Variants in CD47 observed in about 807,000 individuals in gnomAD.
CD47 encodes the protein CD47 molecule.
Under a neutral mutation model 44.6 loss-of-function variants are expected in CD47, and 11 were observed. The ratio of observed to expected loss-of-function variants is 0.25; its 90% CI spans 0.16 to 0.41. The LOEUF (loss-of-function observed/expected upper bound fraction) is 0.41, where lower values mean the gene tolerates loss of function less well. Ranked by LOEUF, CD47 falls within the 10% of genes least tolerant of loss-of-function variation. The pLI, the probability that CD47 is intolerant of heterozygous loss-of-function variation, is 1.00. For synonymous variants in CD47, 140 were observed against 136.3 expected, an observed-to-expected ratio of 1.03 and a Z score of -0.19; for missense variants, 306 against 386.7, an observed-to-expected ratio of 0.79 and a Z score of 1.75.
chr3:108,074,256 T>C (rs917185021), intron 2 of CD47, among the ~76,000 whole-genome samples: 1 of 152,122 alleles, frequency 6.6e-6, no homozygotes, highest in South Asian at 2.1e-4. Flanking sequence ...ACAAGAAATA[T>C]GAGACATTTC....
At chr3:108,077,446 T>C (rs2079330004) in intron 2 of CD47, among the ~76,000 whole-genome samples, 1 of 152,110 alleles carries the variant, frequency 6.6e-6, no homozygotes, top group African/African-American at 2.4e-5. Context: ...ACATTGTTGA[T>C]GGAAATGTAA....
At chr3:108,078,723 G>A (rs1458195287) in intron 2 of CD47, among the ~76,000 whole-genome samples, 1 of 151,438 alleles carries the variant, frequency 6.6e-6, no homozygotes, top group South Asian at 2.1e-4. Flanking sequence ...TTGCCTACTC[G>A]GAGCCATCCC....
chr3:108,065,812 A>G (rs1338191345), intron 3 of CD47, among the ~76,000 whole-genome samples: 1 of 15,122 alleles, frequency 6.6e-5, no homozygotes. Flanking sequence ...ACTCCGTCTC[A>G]AAAAAAAAAA....
chr3:108,074,971 G>A (rs1004534078), intron 2 of CD47, among the ~76,000 whole-genome samples: 1 of 152,206 alleles, frequency 6.6e-6, no homozygotes, highest in Non-Finnish European at 1.5e-5. Flanking sequence ...TGGTAGTACT[G>A]TCAGATGACG....
At chr3:108,074,253 A>C (rs184440547) in intron 2 of CD47, among the ~76,000 whole-genome samples, 22 of 152,338 alleles carry the variant, frequency 1.4e-4, no homozygotes, top group African/African-American at 4.8e-4. Context: ...GAAACAAGAA[A>C]TATGAGACAT....
At chr3:108,055,506 C>A in intron 7 of CD47, 2 of 1,290,008 alleles carry the variant, frequency 1.6e-6, no homozygotes, top group Non-Finnish European at 2.0e-6. Flanking sequence ...ATCTAAAGAG[C>A]AACTTTCCTG....
At chr3:108,056,448 T>C (rs935995966) in intron 7 of CD47, among the ~76,000 whole-genome samples, 6 of 152,120 alleles carry the variant, frequency 3.9e-5, no homozygotes, top group Non-Finnish European at 5.9e-5. Context: ...AAGGTAAAAG[T>C]TTTTTGAAAC....
At chr3:108,058,496 G>T in intron 5 of CD47, 67 bp from the exon 6 acceptor site, 1 of 1,064,760 alleles carries the variant, frequency 9.4e-7, no homozygotes, top group Non-Finnish European at 1.4e-6. Context: ...ACTTCCACTT[G>T]CATTTGGTAT....
chr3:108,047,484 A>G (rs944266385), intron 10 of CD47, among the ~76,000 whole-genome samples, 192 bp from the exon 11 acceptor site: 3 of 152,242 alleles, frequency 2.0e-5, no homozygotes, highest in Admixed American at 2.0e-4. Flanking sequence ...GCCAATGCCA[A>G]ATGAAAGTAA....
intron 3 of CD47, among the ~76,000 whole-genome samples, chr3:108,062,809 T>C (rs973887597): frequency 1.3e-5 from 2 of 149,896 alleles, no homozygotes; most frequent in Non-Finnish European, 3.0e-5. Context: ...GCCTGGCTAA[T>C]TTTTGAATTC....
intron 2 of CD47, among the ~76,000 whole-genome samples, chr3:108,073,174 T>C (rs1210968359): frequency 6.6e-6 from 1 of 152,084 alleles, no homozygotes; most frequent in African/African-American, 2.4e-5. Flanking sequence ...AGCCAATATC[T>C]GATCTCATAG....
At chr3:108,084,742 C>G (rs969480623) in intron 1 of CD47, among the ~76,000 whole-genome samples, 1 of 152,036 alleles carries the variant, frequency 6.6e-6, no homozygotes, top group Admixed American at 6.6e-5. Flanking sequence ...CAGACCTGGA[C>G]CTAAGAATCA....
chr3:108,070,567 T>C (rs2079181514), intron 3 of CD47, among the ~76,000 whole-genome samples: 1 of 152,132 alleles, frequency 6.6e-6, no homozygotes, highest in South Asian at 2.1e-4. Context: ...AGAACCTAAC[T>C]CTCTGGTGGC....
Position 108,049,715 on chromosome 3 carries a change from A to G in CD47, c.935-64T>C, listed in dbSNP as rs940244425. The G allele has an allele frequency of 2.7e-6, 3 of 1,113,172 alleles. No individual in the cohort carries two copies. The African/African-American group carries it at 4.6e-5, about 17-fold the overall frequency. 69.0% of individuals were successfully genotyped at this position (1,113,172 alleles called of 1,614,324 possible). ...TTCCACAATTGGAAATCATTTCTAAATAAACAAATATGCAATGATATGCTA... is the reference window on the plus strand; with the variant it reads ...TTCCACAATTGGAAATCATTTCTAAGTAAACAAATATGCAATGATATGCTA... On this transcript the variant is annotated intron_variant, in intron 9 of 10. Coordinates refer to ENST00000361309, the MANE Select transcript of CD47 (RefSeq NM_001777.4).
intron 1 of CD47, among the ~76,000 whole-genome samples, chr3:108,088,245 C>T (rs1174430369): frequency 1.3e-5 from 2 of 152,146 alleles, no homozygotes; most frequent in East Asian, 1.9e-4. Context: ...TGCGAATATG[C>T]GTGATTATTT....
chr3:108,055,288 T>C (rs1396781852), intron 7 of CD47, among the ~76,000 whole-genome samples: 1 of 152,216 alleles, frequency 6.6e-6, no homozygotes, highest in Non-Finnish European at 1.5e-5. Context: ...TATTTGAGGA[T>C]TTTATTGCAT....
intron 1 of CD47, among the ~76,000 whole-genome samples, chr3:108,085,599 T>A (rs1400576605): frequency 2.0e-5 from 3 of 152,136 alleles, no homozygotes; most frequent in Admixed American, 2.0e-4. Context: ...CCCCTCCTTA[T>A]TGCTCCCATT....
At position 108,047,314 on chromosome 3, in the gene CD47, ACATAATCACTATTCGTGT is replaced by A. The variant is rs772465627; in HGVS notation, c.968-40_968-23del. The A allele has an allele frequency of 1.9e-6, 3 of 1,592,262 alleles. No homozygotes were observed. The South Asian group carries it at 3.4e-5, about 18-fold the overall frequency. On this transcript the variant is annotated intron_variant, in intron 10 of 10. Coordinates refer to ENST00000361309, the MANE Select transcript of CD47 (RefSeq NM_001777.4). The stretch of plus-strand genomic sequence containing the variant: ...TATTCTGGAAAATTGAAAAATGAAC[ACATAATCACTATTCGTGT>A]CTATTTTCTATCCATTAAAAAGTTG...
chr3:108,086,953 T>C (rs944097823), intron 1 of CD47, among the ~76,000 whole-genome samples: 1 of 152,126 alleles, frequency 6.6e-6, no homozygotes, highest in Non-Finnish European at 1.5e-5. Flanking sequence ...CGGAAGAGAA[T>C]GAGACGAAGG....
Sources: allele counts gnomAD v4.1 joint callset (sites outside exome capture counted in the v4.1 genomes callset), GRCh38; gene constraint gnomAD v4.1.1; transcripts MANE v1.5; gene names NCBI Gene and HGNC (gene_info 2026-07-23, HGNC 2026-07-21).